Variants in CACNA2D3 observed in about 807,000 individuals in gnomAD.
The protein encoded by CACNA2D3 is voltage-dependent calcium channel subunit alpha-2/delta-3.
Under a neutral mutation model 160.6 loss-of-function variants are expected in CACNA2D3, and 60 were observed. That is an observed-to-expected ratio of 0.37 (90% CI 0.30 to 0.46). The LOEUF (loss-of-function observed/expected upper bound fraction) is 0.46, where lower values mean the gene tolerates loss of function less well. Ranked by LOEUF, CACNA2D3 falls within the 20% of genes least tolerant of loss-of-function variation. The pLI, the probability that CACNA2D3 is intolerant of heterozygous loss-of-function variation, is 1.00. For synonymous variants in CACNA2D3, 558 were observed against 492.9 expected (o/e 1.13, Z -1.75); for missense variants, 1,205 against 1,365.0 (o/e 0.88, Z 1.85).
At chr3:54,857,870 G>C (rs2106794687) in intron 17 of CACNA2D3, among the ~76,000 whole-genome samples, 1 of 152,218 alleles carries the variant, frequency 6.6e-6, no homozygotes, top group South Asian at 2.1e-4. Flanking sequence ...TAACACACCA[G>C]CCTGCTTGGA....
At chr3:54,384,768 G>A (rs536205907) in intron 3 of CACNA2D3, among the ~76,000 whole-genome samples, 2 of 152,260 alleles carry the variant, frequency 1.3e-5, no homozygotes, top group Admixed American at 6.5e-5. Flanking sequence ...CGCCCAGGCT[G>A]GAATGCAGTG....
chr3:54,320,368 A>C, intron 2 of CACNA2D3, 74 bp from the exon 3 acceptor site: 1 of 634,734 alleles, frequency 1.6e-6, no homozygotes, highest in Non-Finnish European at 2.7e-6. Flanking sequence ...CCTTGTGGGT[A>C]GATGTGGTCT....
At chr3:54,556,980 G>GTT (rs148098681) in intron 5 of CACNA2D3, among the ~76,000 whole-genome samples, 4 of 150,908 alleles carry the variant, frequency 2.7e-5, no homozygotes, top group South Asian at 2.1e-4. Flanking sequence ...ATATTTAACT[G>GTT]TTTTTTTTTA....
chr3:54,992,694 A>T (rs1050788256), intron 31 of CACNA2D3, among the ~76,000 whole-genome samples: 4 of 151,370 alleles, frequency 2.6e-5, no homozygotes, highest in African/African-American at 9.7e-5. Context: ...TTAGGGTGTG[A>T]TGGGAGGGGC....
intron 2 of CACNA2D3, among the ~76,000 whole-genome samples, chr3:54,234,549 A>G (rs1295202942): frequency 6.6e-6 from 1 of 152,214 alleles, no homozygotes. Context: ...CCATAAAGGC[A>G]CATGCATGCA....
chr3:54,815,320 A>G (rs556696032), intron 13 of CACNA2D3, among the ~76,000 whole-genome samples: 2 of 152,168 alleles, frequency 1.3e-5, no homozygotes, highest in African/African-American at 4.8e-5. Flanking sequence ...GACATTCTCA[A>G]TACCATTTTG....
intron 17 of CACNA2D3, among the ~76,000 whole-genome samples, chr3:54,847,842 G>T (rs1406250966): frequency 6.6e-6 from 1 of 152,016 alleles, no homozygotes; most frequent in Non-Finnish European, 1.5e-5. Flanking sequence ...GGCATCATTT[G>T]TTGGAAGTAA....
intron 13 of CACNA2D3, among the ~76,000 whole-genome samples, chr3:54,795,296 G>A (rs1449621275): frequency 6.6e-6 from 1 of 151,840 alleles, no homozygotes; most frequent in Non-Finnish European, 1.5e-5. Flanking sequence ...CCTTTATTGT[G>A]TTCATGTTTT....
intron 4 of CACNA2D3, among the ~76,000 whole-genome samples, chr3:54,486,267 A>C (rs1251633787): frequency 6.6e-6 from 1 of 152,138 alleles, no homozygotes; most frequent in African/African-American, 2.4e-5. Flanking sequence ...AGTCCTTTGA[A>C]TTCCATCAAG....
intron 2 of CACNA2D3, among the ~76,000 whole-genome samples, chr3:54,246,553 C>T (rs1224968911): frequency 2.7e-5 from 4 of 148,670 alleles, no homozygotes; most frequent in Middle Eastern, 3.2e-3. Context: ...ATTAGCCGGG[C>T]GTGGTTGCGG....
At position 54,183,892 on chromosome 3, in the gene CACNA2D3, GA is replaced by G. The variant is rs58956795; in HGVS notation, c.204+60326del. 4.1e-3 allele frequency among the ~76,000 whole-genome samples: 335 copies of G among 80,748 alleles called. 3 individuals are homozygous for G. Among genetic ancestry groups the G allele is most frequent in the Middle Eastern group, 0.016 (1 of 64 alleles). 53.0% of individuals were successfully genotyped at this position (80,748 alleles called of 152,430 possible). ...AAAAGCGAAACTCCGTCTCAAAAAA[GA>G]AAAAAAAAAAAAAAAAAAAAAAAAA... On this transcript the variant is annotated intron_variant, in intron 2 of 37. Transcript: ENST00000474759.
intron 33 of CACNA2D3, 124 bp from the exon 34 acceptor site, chr3:55,009,264 T>G (rs1360732480): frequency 4.9e-6 from 4 of 809,876 alleles, no homozygotes; most frequent in South Asian, 1.5e-5. Flanking sequence ...CCAACTGTGT[T>G]GATATCTCCA....
At chr3:54,469,494 A>G (rs1559490594) in intron 4 of CACNA2D3, among the ~76,000 whole-genome samples, 3 of 152,100 alleles carry the variant, frequency 2.0e-5, no homozygotes, top group South Asian at 4.1e-4. Flanking sequence ...AAAAGGCTGA[A>G]AATTCCAAAA....
In CACNA2D3 at chr3:54,513,763, C is replaced by T. The variant is rs140384685; in HGVS notation, c.544+10109C>T. On this transcript the variant is annotated intron_variant, in intron 5 of 37. Coordinates refer to ENST00000474759, the MANE Select transcript of CACNA2D3 (RefSeq NM_018398.3). ...TGGTGCGATCTCAGCTCATTGCAAC[C>T]TCTGCCTCCTGGGTTCAAGTGATTC... Among the ~76,000 whole-genome samples the T allele has an allele frequency of 7.6e-3, 1,151 of 152,262 alleles. 11 individuals are homozygous for T. The highest frequency in any genetic ancestry group is 0.025 in the African/African-American group (1,047 of 41,534).
At chr3:54,700,054 C>G (rs1700738811) in intron 11 of CACNA2D3, among the ~76,000 whole-genome samples, 1 of 152,156 alleles carries the variant, frequency 6.6e-6, no homozygotes, top group Non-Finnish European at 1.5e-5. Context: ...AGAATCCACT[C>G]CTAGCATTTA....
At chr3:54,293,754 A>C (rs150150760) in intron 2 of CACNA2D3, among the ~76,000 whole-genome samples, 59 of 152,320 alleles carry the variant, frequency 3.9e-4, no homozygotes, top group Admixed American at 6.5e-4. Context: ...CAGATCTGTT[A>C]GGACAGAGAA....
intron 11 of CACNA2D3, among the ~76,000 whole-genome samples, chr3:54,675,925 G>A (rs1443826570): frequency 2.0e-5 from 3 of 152,046 alleles, no homozygotes; most frequent in East Asian, 1.9e-4. Context: ...CACTTCCACC[G>A]CCTACTCCCA....
At chr3:54,447,230 A>G (rs1700237040) in intron 4 of CACNA2D3, among the ~76,000 whole-genome samples, 1 of 152,226 alleles carries the variant, frequency 6.6e-6, no homozygotes, top group African/African-American at 2.4e-5. Context: ...AGGAAAGAAA[A>G]TCTGAGAAAT....
intron 9 of CACNA2D3, among the ~76,000 whole-genome samples, chr3:54,583,308 GA>G (rs1266568890): frequency 1.3e-5 from 2 of 152,018 alleles, no homozygotes; most frequent in Non-Finnish European, 2.9e-5. Flanking sequence ...TTTTATGAAT[GA>G]AAAAAAGTCA....
Sources: gnomAD v4.1 joint callset for allele counts (sites outside exome capture counted in the v4.1 genomes callset) on GRCh38, gnomAD v4.1.1 for gene constraint, MANE v1.5 for transcripts, NCBI Gene and HGNC (gene_info 2026-07-23, HGNC 2026-07-21) for gene names.